The following TUBB6 variants were observed in gnomAD, a reference collection of about 807,000 sequenced individuals.
The protein encoded by TUBB6 is tubulin beta-6 chain.
A neutral mutation model predicts 32.3 loss-of-function variants in TUBB6; 18 were observed. The observed-to-expected ratio is 0.56, with a 90% CI of 0.39 to 0.83. TUBB6 has a LOEUF of 0.83. TUBB6 is among the 40% of genes least tolerant of loss of function. TUBB6 has a pLI of 0.00. For missense variants in TUBB6, 480 were observed against 632.0 expected, an observed-to-expected ratio of 0.76 and a Z score of 2.58; for synonymous variants, 280 against 265.8, an observed-to-expected ratio of 1.05 and a Z score of -0.52.
At chr18:12,328,829 A>C (rs1907418101), downstream of TUBB6, 1 of 300,888 alleles carries the variant, frequency 3.3e-6, no homozygotes, top group East Asian at 7.6e-5. Flanking sequence ...TGTGGGAGCT[A>C]ATGAGAACCA....
At position 12,308,342 on chromosome 18, in the gene TUBB6, G is replaced by A; in HGVS notation, c.50G>A (p.Gly17Asp). The stretch of plus-strand genomic sequence containing the variant: ...GCGGGCCAGTGCGGGAACCAGATCG[G>A]CACCAAGGTGGGCCTGGCGCGGTGC... ...IQAGQCGNQI[G>D]TKFWEVISDE... Residue 17 changes from glycine (G) to aspartate (D), a missense_variant, in exon 1 of 4, where the codon GGC (glycine) becomes GAC (aspartate). By Grantham distance (94) the Gly-to-Asp change is moderately conservative. Coordinates refer to ENST00000317702, the MANE Select transcript of TUBB6 (RefSeq NM_032525.3). The A allele has an allele frequency of 1.4e-6, 2 of 1,476,560 alleles. No individual in the cohort carries two copies. Among genetic ancestry groups the A allele is most frequent in the Non-Finnish European group, 1.8e-6 (2 of 1,109,424 alleles). The allele number at this position is 1,476,560 out of a possible 1,614,324, so 91.5% of individuals were successfully genotyped here. A position where few individuals can be genotyped will look rare whatever the true frequency, so the allele number is the denominator to read the frequency against.
chr18:12,318,102 T>C (rs996581962), intron 3 of TUBB6, among the ~76,000 whole-genome samples: 1 of 152,070 alleles, frequency 6.6e-6, no homozygotes, highest in Non-Finnish European at 1.5e-5. Context: ...TGTTGGTTTC[T>C]GCTATTTTAA....
chr18:12,310,929 C>A lies in TUBB6; in HGVS notation c.167-14C>A. 1 of 1,584,186 alleles carries A rather than the reference C, an allele frequency of 6.3e-7. No individual in the cohort carries two copies. Among genetic ancestry groups the A allele is most frequent in the Non-Finnish European group, 8.6e-7 (1 of 1,165,426 alleles). ...CTGAAAGTAACTCTTGTGGGTGGTT[C>A]TTTTCTCCTCCAGCTCAGAAATATG... On this transcript the variant is annotated splice_polypyrimidine_tract_variant and intron_variant, in intron 2 of 3. Coordinates refer to ENST00000317702, the MANE Select transcript of TUBB6 (RefSeq NM_032525.3).
upstream of TUBB6, chr18:12,307,873 G>C (rs1906068944): frequency 6.6e-6 from 1 of 152,348 alleles, no homozygotes; most frequent in South Asian, 2.1e-4. Flanking sequence ...TGGACTGGGC[G>C]CGGGCGGCTG....
chr18:12,327,602 CAT>C (rs1907380497), downstream of TUBB6, among the ~76,000 whole-genome samples: 1 of 152,178 alleles, frequency 6.6e-6, no homozygotes, highest in Admixed American at 6.5e-5. Context: ...GTCCTGAAAA[CAT>C]GTTCTGTGTG....
chr18:12,318,929 A>G (rs11872271), intron 3 of TUBB6, among the ~76,000 whole-genome samples: 3,194 of 152,128 alleles, frequency 0.021, 120 homozygotes, highest in African/African-American at 0.073. Flanking sequence ...CTTATACAAA[A>G]AAAAGTGTTT....
At chr18:12,327,135 G>C (rs764447799), downstream of TUBB6, among the ~76,000 whole-genome samples, 43 of 152,190 alleles carry the variant, frequency 2.8e-4, no homozygotes, top group Non-Finnish European at 5.9e-4. Context: ...AGCTGTGAAC[G>C]TGGGACTTGC....
downstream of TUBB6, chr18:12,329,112 AT>A (rs1907425923): frequency 1.4e-6 from 1 of 702,646 alleles, no homozygotes; most frequent in Non-Finnish European, 2.6e-6. Context: ...TCAAATTAAA[AT>A]GTTCTTATCA....
In TUBB6 at chr18:12,308,736, A is replaced by C; in HGVS notation, c.107A>C (p.Tyr36Ser). Residue 36 changes from tyrosine to serine, a missense_variant, in exon 2 of 4, where the codon TAC (tyrosine) becomes TCC (serine). Transcript: ENST00000317702. Reference sequence around the variant, plus strand: ...CACGGCATCGACCCGGCCGGAGGCTACGTGGGAGACTCGGCGCTGCAGCTG... The same window carrying C: ...CACGGCATCGACCCGGCCGGAGGCTCCGTGGGAGACTCGGCGCTGCAGCTG... ...DEHGIDPAGGYVGDSALQLER... is the reference protein window; with the variant it reads ...DEHGIDPAGGSVGDSALQLER... 1 of 1,613,318 alleles carries C rather than the reference A, an allele frequency of 6.2e-7. No individual in the cohort carries two copies. Among genetic ancestry groups the C allele is most frequent in the Non-Finnish European group, 8.5e-7 (1 of 1,179,494 alleles).
rs756545880 is a variant in TUBB6, at chr18:12,325,540, C to T, written c.751C>T (p.Arg251Cys). Residue 251 changes from arginine (R) to cysteine (C), a missense_variant, in exon 4 of 4, where the codon CGC (arginine) becomes TGC (cysteine). Physicochemically the swap from Arg to Cys is radical, Grantham distance 180. Coordinates refer to ENST00000317702, the MANE Select transcript of TUBB6 (RefSeq NM_032525.3). ...RFPGQLNADL[R>C]KLAVNMVPFP... Reference sequence around the variant, plus strand: ...CCCGGGCCAGCTCAATGCTGACCTGCGCAAGCTGGCGGTGAACATGGTGCC... The same window carrying T: ...CCCGGGCCAGCTCAATGCTGACCTGTGCAAGCTGGCGGTGAACATGGTGCC... The T allele has an allele frequency of 1.2e-6, 2 of 1,614,086 alleles. No individual in the cohort carries two copies. The highest frequency in any genetic ancestry group is 1.7e-5 in the Admixed American group (1 of 60,008).
rs369954066 is a variant in TUBB6, at chr18:12,308,745, A to G, written c.116A>G (p.Asp39Gly). Residue 39 changes from aspartate to glycine, a missense_variant, in exon 2 of 4, where the codon GAC becomes GGC. By Grantham distance (94) the Asp-to-Gly change is moderately conservative (BLOSUM62 -1). Transcript: ENST00000317702. ...GIDPAGGYVG[D>G]SALQLERINV... ...GACCCGGCCGGAGGCTACGTGGGAG[A>G]CTCGGCGCTGCAGCTGGAGAGAATC... 11 of 1,612,906 alleles carry G rather than the reference A, an allele frequency of 6.8e-6. No homozygotes were observed. The highest frequency in any genetic ancestry group is 9.3e-6 in the Non-Finnish European group (11 of 1,179,386).
chr18:12,311,368 CG>C, intron 3 of TUBB6, among the ~76,000 whole-genome samples: 1 of 152,238 alleles, frequency 6.6e-6, no homozygotes, highest in South Asian at 2.1e-4. Flanking sequence ...GAGGCCAAGA[CG>C]AGCGGATCAC....
At chr18:12,323,298 C>CA (rs1175607540) in intron 3 of TUBB6, among the ~76,000 whole-genome samples, 3 of 152,110 alleles carry the variant, frequency 2.0e-5, no homozygotes, top group Non-Finnish European at 4.4e-5. Context: ...AAACCAAAAA[C>CA]AAAAATTAGT....
downstream of TUBB6, chr18:12,329,197 A>G (rs1343085277): frequency 1.4e-6 from 1 of 702,988 alleles, no homozygotes; most frequent in East Asian, 2.7e-5. Flanking sequence ...GTGGGCGACA[A>G]AGAGAAAGCA....
downstream of TUBB6, among the ~76,000 whole-genome samples, chr18:12,327,246 A>G (rs574800421): frequency 5.0e-4 from 76 of 152,152 alleles, 1 homozygote; most frequent in South Asian, 0.015. Flanking sequence ...AGCCCCCCCG[A>G]TCCCTCCTGT....
intron 2 of TUBB6, among the ~76,000 whole-genome samples, chr18:12,310,722 C>G (rs1364535784): frequency 6.6e-6 from 1 of 152,136 alleles, no homozygotes; most frequent in Non-Finnish European, 1.5e-5. Context: ...CTCCTGGGCT[C>G]AAGCGATCTG....
downstream of TUBB6, among the ~76,000 whole-genome samples, chr18:12,326,952 G>A (rs971046316): frequency 6.6e-6 from 1 of 152,190 alleles, no homozygotes; most frequent in African/African-American, 2.4e-5. Context: ...CTGCATGGAA[G>A]GGATGGGCCC....
At chr18:12,310,879 C>A in intron 2 of TUBB6, 64 bp from the exon 3 acceptor site, 1 of 1,163,374 alleles carries the variant, frequency 8.6e-7, no homozygotes, top group Non-Finnish European at 1.2e-6. Flanking sequence ...GGACTTGAAA[C>A]GGGGAAGTCA....
intron 3 of TUBB6, among the ~76,000 whole-genome samples, chr18:12,318,085 T>C (rs538582828): frequency 2.2e-4 from 33 of 152,194 alleles, no homozygotes; most frequent in African/African-American, 7.7e-4. Flanking sequence ...CACCTACTAT[T>C]TTCAGTTGTT....
Sources: gnomAD v4.1 joint callset for allele counts (sites outside exome capture counted in the v4.1 genomes callset) on GRCh38, gnomAD v4.1.1 for gene constraint, MANE v1.5 for transcripts, NCBI Gene and HGNC (gene_info 2026-07-23, HGNC 2026-07-21) for gene names.